TRAK1: variants seen among roughly 807,000 people sequenced by gnomAD.
TRAK1 encodes trafficking kinesin-binding protein 1.
In TRAK1, 33 loss-of-function variants were observed where a neutral mutation model predicts 92.1. The ratio of observed to expected loss-of-function variants is 0.36; its 90% CI spans 0.27 to 0.48. The LOEUF (loss-of-function observed/expected upper bound fraction) is 0.48, where lower values mean the gene tolerates loss of function less well. Ranked by LOEUF, TRAK1 falls within the 20% of genes least tolerant of loss-of-function variation. The pLI is 0.99. For missense variants in TRAK1, 1,123 were observed against 1,257.9 expected (o/e 0.89, Z 1.62); for synonymous variants, 521 against 517.3 (o/e 1.01, Z -0.10).
At chr3:42,184,895 T>C in intron 4 of TRAK1, 94 bp downstream of exon 4, 1 of 1,242,596 alleles carries the variant, frequency 8.0e-7, no homozygotes, top group Non-Finnish European at 1.2e-6. Flanking sequence ...GGAGTCCTAG[T>C]TGGAAGGACG....
chr3:42,065,097 CAAAA>C (rs1414473414), intron 1 of TRAK1, among the ~76,000 whole-genome samples: 2 of 150,592 alleles, frequency 1.3e-5, no homozygotes, highest in Non-Finnish European at 3.0e-5. Context: ...AACAAACAAA[CAAAA>C]ATTAGCTGGG....
chr3:42,215,789 G>A (rs1709614220), intron 14 of TRAK1, among the ~76,000 whole-genome samples: 1 of 152,180 alleles, frequency 6.6e-6, no homozygotes, highest in African/African-American at 2.4e-5. Context: ...AATAGCTTGG[G>A]TGTGTGGCAT....
chr3:42,205,885 A>G (rs962346807), intron 13 of TRAK1, among the ~76,000 whole-genome samples: 10 of 152,242 alleles, frequency 6.6e-5, no homozygotes, highest in African/African-American at 2.2e-4. Flanking sequence ...CCCTTTTCCC[A>G]TAGAACTTTA....
rs569209653 is a variant in TRAK1 at position 42,031,033 on chromosome 3, A to ATTT, written c.-519+16934_-519+16936dup. ...GTGACACTTAACCTCAGCTATTTGA[A>ATTT]TTTTTTTTTTTTTTTTTTTTGAGAT... On this transcript the variant is annotated intron_variant, in intron 1 of 16. Transcript: ENST00000487159. Among the ~76,000 whole-genome samples, 516 of 95,398 alleles carry ATTT rather than the reference A, an allele frequency of 5.4e-3. 4 individuals carry two copies. The highest frequency in any genetic ancestry group is 0.017 in the African/African-American group (473 of 28,302). The allele number at this position is 95,398 out of a possible 152,430, so 62.6% of individuals were successfully genotyped here.
intron 1 of TRAK1, among the ~76,000 whole-genome samples, chr3:42,042,712 A>G (rs1265306451): frequency 6.6e-6 from 1 of 151,978 alleles, no homozygotes; most frequent in African/African-American, 2.4e-5. Flanking sequence ...ACTTCTGAGT[A>G]GAAATTTCTT....
rs749368196 is a variant in TRAK1, at chr3:42,223,724, C to A, written c.2849C>A (p.Thr950Asn). ...ILMGAKLSKQ[T>N]SLR The stretch of plus-strand genomic sequence containing the variant: ...ATGGGTGCTAAGCTCTCCAAACAAA[C>A]TAGCTTACGGTGAGGACTGGAGGGG... The change falls in exon 16 of 16, where the codon ACT becomes AAT. Residue 950 changes from threonine to asparagine, a missense_variant. Physicochemically the swap from Thr to Asn is moderately conservative, Grantham distance 65 (BLOSUM62 0). Transcript: ENST00000327628. The surrounding 1 kb of genome is among the most constrained non-coding windows in gnomAD (Gnocchi z 6.1). The A allele has an allele frequency of 3.1e-6, 5 of 1,605,210 alleles. No individual in the cohort carries two copies. The highest frequency in any genetic ancestry group is 4.3e-6 in the Non-Finnish European group (5 of 1,172,870).
intron 2 of TRAK1, among the ~76,000 whole-genome samples, chr3:42,151,832 C>G (rs1576643810): frequency 6.6e-6 from 1 of 152,210 alleles, no homozygotes; most frequent in Non-Finnish European, 1.5e-5. Context: ...AATAGACACA[C>G]ACCATTGCTT....
chr3:42,035,121 G>T (rs1702279957), intron 1 of TRAK1, among the ~76,000 whole-genome samples: 1 of 152,198 alleles, frequency 6.6e-6, no homozygotes, highest in Non-Finnish European at 1.5e-5. Context: ...ATGGTGCTAA[G>T]TCCATAAACC....
chr3:42,095,384 A>G (rs1177729558), intron 1 of TRAK1, among the ~76,000 whole-genome samples: 1 of 151,914 alleles, frequency 6.6e-6, no homozygotes, highest in South Asian at 2.1e-4. Flanking sequence ...ACTGTTCTTC[A>G]TTTTTTTTCT....
intron 2 of TRAK1, among the ~76,000 whole-genome samples, chr3:42,129,018 G>C (rs1710964573): frequency 1.3e-5 from 2 of 152,174 alleles, no homozygotes; most frequent in South Asian, 4.1e-4. Flanking sequence ...AGTTTTTCAA[G>C]TTTTAGATGG....
At chr3:42,035,148 A>G (rs993567831) in intron 1 of TRAK1, among the ~76,000 whole-genome samples, 1 of 152,188 alleles carries the variant, frequency 6.6e-6, no homozygotes, top group South Asian at 2.1e-4. Context: ...TAGTCCTGGC[A>G]TTCTTTGACC....
rs549704652 is a variant in TRAK1, at chr3:42,059,095, C to CT, written c.-518-27998dup. On this transcript the variant is annotated intron_variant, in intron 1 of 16. Transcript: ENST00000487159. ...TAAGTAGGCTTTGGACTTCAGGGAACTTTTTTTTTTTCCTTTTGAGACAGG... is the reference window on the plus strand; with the variant it reads ...TAAGTAGGCTTTGGACTTCAGGGAACTTTTTTTTTTTTCCTTTTGAGACAGG... Among the ~76,000 whole-genome samples the CT allele has an allele frequency of 2.5e-4, 37 of 147,018 alleles. 1 individual carries two copies. Among genetic ancestry groups the CT allele is most frequent in the Admixed American group, 4.8e-4 (7 of 14,704 alleles).
chr3:42,140,824 T>G (rs1009569446), intron 2 of TRAK1, among the ~76,000 whole-genome samples: 1 of 152,194 alleles, frequency 6.6e-6, no homozygotes, highest in Non-Finnish European at 1.5e-5. Context: ...GCTTCTTGGC[T>G]GGCCCGGCAT....
rs116500763 is a variant in TRAK1, at chr3:42,156,373, A to T, written c.287-20441A>T. Among the ~76,000 whole-genome samples the T allele has an allele frequency of 5.4e-3, 827 of 152,316 alleles. 14 individuals carry two copies. The highest frequency in any genetic ancestry group is 0.019 in the African/African-American group (789 of 41,568). On this transcript the variant is annotated intron_variant, in intron 2 of 15. Transcript: ENST00000327628. ...AGAGGGATATCGTGAAGAGTGTCTAAACCCAGAGAAATGGGGTGACATGAA... is the reference window on the plus strand; with the variant it reads ...AGAGGGATATCGTGAAGAGTGTCTATACCCAGAGAAATGGGGTGACATGAA...
intron 2 of TRAK1, among the ~76,000 whole-genome samples, chr3:42,148,322 A>C (rs1699571723): frequency 6.6e-6 from 1 of 152,094 alleles, no homozygotes; most frequent in African/African-American, 2.4e-5. Context: ...GAATTACCTA[A>C]CCTCAAATGT....
chr3:42,187,910 A>T, intron 4 of TRAK1, 135 bp from the exon 5 acceptor site: 1 of 730,896 alleles, frequency 1.4e-6, no homozygotes, highest in Non-Finnish European at 2.4e-6. Context: ...GCACAAAATC[A>T]GTTTAAATGC....
rs372899559 is a variant in TRAK1, at chr3:42,057,497, C to T, written c.-518-29607C>T. On this transcript the variant is annotated intron_variant, in intron 1 of 16. Coordinates refer to the TRAK1 transcript ENST00000487159. ...CATGCTGGAGTAGGGGTTGAGGAGG[C>T]GTCCAGTGGGTATTGATTGGTCCAG... Among the ~76,000 whole-genome samples the T allele has an allele frequency of 2.1e-3, 315 of 152,244 alleles. 1 individual carries two copies. Among genetic ancestry groups the T allele is most frequent in the African/African-American group, 7.1e-3 (296 of 41,548 alleles).
At chr3:42,041,741 A>T (rs1332109467) in intron 1 of TRAK1, among the ~76,000 whole-genome samples, 1 of 151,450 alleles carries the variant, frequency 6.6e-6, no homozygotes, top group Non-Finnish European at 1.5e-5. Flanking sequence ...GGTCTTTGAT[A>T]GATACACTGT....
intron 2 of TRAK1, among the ~76,000 whole-genome samples, chr3:42,136,226 A>G (rs138314632): frequency 6.6e-6 from 1 of 152,138 alleles, no homozygotes; most frequent in Non-Finnish European, 1.5e-5. Context: ...CAGAGTGAGG[A>G]AGCAGGCATG....
Sources: gnomAD v4.1 joint callset for allele counts (sites outside exome capture counted in the v4.1 genomes callset) on GRCh38, gnomAD v4.1.1 for gene constraint, Gnocchi (gnomAD v3.1) non-coding constraint, MANE v1.5 for transcripts, NCBI Gene and HGNC (gene_info 2026-07-23, HGNC 2026-07-21) for gene names.